The following TCF7L2 variants were observed in gnomAD, a reference collection of about 807,000 sequenced individuals.
TCF7L2 encodes the protein transcription factor 7 like 2.
Under a neutral mutation model 77.9 loss-of-function variants are expected in TCF7L2, and 23 were observed. That is an observed-to-expected ratio of 0.30 (90% CI 0.21 to 0.42). TCF7L2 has a LOEUF of 0.42. Ranked by LOEUF, TCF7L2 falls within the 10% of genes least tolerant of loss-of-function variation. TCF7L2 has a pLI of 1.00. For missense variants in TCF7L2, 654 were observed against 793.1 expected, an observed-to-expected ratio of 0.82 and a Z score of 2.11; for synonymous variants, 413 against 340.2, an observed-to-expected ratio of 1.21 and a Z score of -2.36.
At chr10:113,007,324 C>T (rs2133501498) in intron 4 of TCF7L2, among the ~76,000 whole-genome samples, 1 of 152,336 alleles carries the variant, frequency 6.6e-6, no homozygotes, top group Admixed American at 6.5e-5. Context: ...TCTCTAGCCT[C>T]CATCCCCTGC....
At chr10:113,118,323 G>A (rs1197117279) in intron 5 of TCF7L2, among the ~76,000 whole-genome samples, 1 of 152,138 alleles carries the variant, frequency 6.6e-6, no homozygotes, top group African/African-American at 2.4e-5. Flanking sequence ...GTGATCAGTG[G>A]GAAGAGGGGA....
chr10:113,011,052 A>G (rs2046369384), intron 4 of TCF7L2, among the ~76,000 whole-genome samples: 1 of 152,148 alleles, frequency 6.6e-6, no homozygotes, highest in Non-Finnish European at 1.5e-5. Context: ...GTGACTTTGC[A>G]TCTGGGCGTA....
At chr10:113,066,311 G>A (rs899309238) in intron 5 of TCF7L2, among the ~76,000 whole-genome samples, 9 of 151,814 alleles carry the variant, frequency 5.9e-5, no homozygotes, top group African/African-American at 1.9e-4. Context: ...GTTGCACTGA[G>A]CTGAGATTGC....
intron 4 of TCF7L2, among the ~76,000 whole-genome samples, chr10:113,030,752 T>A (rs768582582): frequency 3.9e-5 from 6 of 152,234 alleles, no homozygotes; most frequent in Admixed American, 6.5e-5. Flanking sequence ...CTGCTCCTTT[T>A]GAATTCTTCC....
At chr10:113,115,147 TA>T (rs2136165106) in intron 5 of TCF7L2, among the ~76,000 whole-genome samples, 1 of 152,352 alleles carries the variant, frequency 6.6e-6, no homozygotes, top group East Asian at 1.9e-4. Flanking sequence ...TGTGTAAACC[TA>T]TTTTTTGCTG....
At chr10:113,015,120 A>G (rs1363415148) in intron 4 of TCF7L2, among the ~76,000 whole-genome samples, 3 of 152,168 alleles carry the variant, frequency 2.0e-5, no homozygotes, top group Non-Finnish European at 4.4e-5. Flanking sequence ...TATGAGGTGG[A>G]GGTTGCAGTG....
At chr10:112,956,435 G>A (rs933899141) in intron 3 of TCF7L2, among the ~76,000 whole-genome samples, 28 of 148,826 alleles carry the variant, frequency 1.9e-4, no homozygotes, top group African/African-American at 6.7e-4. Context: ...TAGTCTTGGT[G>A]AGTGGCATTA....
intron 4 of TCF7L2, among the ~76,000 whole-genome samples, chr10:112,976,624 G>A (rs2039469827): frequency 1.3e-5 from 2 of 152,204 alleles, no homozygotes; most frequent in Non-Finnish European, 2.9e-5. Flanking sequence ...AAAGGAAACA[G>A]TATATAAGTG....
At chr10:113,065,060 G>A (rs2057063905) in intron 5 of TCF7L2, among the ~76,000 whole-genome samples, 1 of 152,172 alleles carries the variant, frequency 6.6e-6, no homozygotes, top group African/African-American at 2.4e-5. Flanking sequence ...GGAAAAAAGG[G>A]CCAGGTTCCC....
chr10:112,964,979 T>A (rs1030107146), intron 4 of TCF7L2, among the ~76,000 whole-genome samples: 3 of 152,040 alleles, frequency 2.0e-5, no homozygotes, highest in Non-Finnish European at 4.4e-5. Flanking sequence ...TGACTACTGT[T>A]TTTCTTTGCT....
At chr10:113,135,894 A>G (rs2067317281) in intron 5 of TCF7L2, among the ~76,000 whole-genome samples, 1 of 151,382 alleles carries the variant, frequency 6.6e-6, no homozygotes, top group South Asian at 2.1e-4. Flanking sequence ...TTGAGGACAG[A>G]TCCCACCGAG....
At chr10:113,119,271 T>G (rs2064377192) in intron 5 of TCF7L2, among the ~76,000 whole-genome samples, 1 of 152,160 alleles carries the variant, frequency 6.6e-6, no homozygotes, top group Non-Finnish European at 1.5e-5. Flanking sequence ...CCTTACCTTT[T>G]GGTCTCCGAT....
intron 4 of TCF7L2, among the ~76,000 whole-genome samples, chr10:112,978,769 G>A (rs1001217488): frequency 4.0e-5 from 6 of 151,352 alleles, no homozygotes; most frequent in Non-Finnish European, 5.9e-5. Flanking sequence ...GTGAGCCACC[G>A]CGCCCGGCCA....
intron 4 of TCF7L2, among the ~76,000 whole-genome samples, chr10:112,994,372 A>G (rs916878111): frequency 6.6e-6 from 1 of 152,192 alleles, no homozygotes; most frequent in Non-Finnish European, 1.5e-5. Flanking sequence ...TACGGTTCTC[A>G]AGGTTCATCC....
intron 8 of TCF7L2, among the ~76,000 whole-genome samples, chr10:113,147,463 G>A (rs2069711403): frequency 6.6e-6 from 1 of 152,166 alleles, no homozygotes; most frequent in South Asian, 2.1e-4. Flanking sequence ...TTTTCTACCT[G>A]CGATATATCA....
At chr10:112,973,389 C>T (rs561848706) in intron 4 of TCF7L2, among the ~76,000 whole-genome samples, 132 of 152,174 alleles carry the variant, frequency 8.7e-4, no homozygotes, top group East Asian at 4.5e-3. Flanking sequence ...CTAGACCAAC[C>T]GAGTCAGCAT....
chr10:113,029,002 C>A (rs781565748), intron 4 of TCF7L2, among the ~76,000 whole-genome samples: 4 of 152,146 alleles, frequency 2.6e-5, no homozygotes, highest in African/African-American at 4.8e-5. Flanking sequence ...GAAGAAATAG[C>A]AAATCTTAGC....
intron 3 of TCF7L2, among the ~76,000 whole-genome samples, chr10:112,963,375 C>T (rs1342898694): frequency 2.0e-5 from 3 of 152,126 alleles, no homozygotes; most frequent in Admixed American, 6.6e-5. Context: ...ATCTGAAACT[C>T]GCAGCCTAAA....
At position 113,005,580 on chromosome 10, in the gene TCF7L2, G is replaced by A. The variant is rs533926245; in HGVS notation, c.451-34445G>A. Among the ~76,000 whole-genome samples, 20 of 152,242 alleles carry A rather than the reference G, an allele frequency of 1.3e-4. No homozygotes were observed. The East Asian group carries it at 1.4e-3, about 10-fold the overall frequency. ...CTACAGTGCCCTGAGCTGCTTGCCCGAAGGATGCGGTTGTGGTTATCTCAC... is the reference window on the plus strand; with the variant it reads ...CTACAGTGCCCTGAGCTGCTTGCCCAAAGGATGCGGTTGTGGTTATCTCAC... On this transcript the variant is annotated intron_variant, in intron 4 of 13. Coordinates refer to ENST00000627217, the MANE Select transcript of TCF7L2 (RefSeq NM_001146274.2).
Sources: gnomAD v4.1 joint callset for allele counts (sites outside exome capture counted in the v4.1 genomes callset) on GRCh38, gnomAD v4.1.1 for gene constraint, MANE v1.5 for transcripts, NCBI Gene and HGNC (gene_info 2026-07-23, HGNC 2026-07-21) for gene names.